Variants in MYO3B observed in about 807,000 individuals in gnomAD.
MYO3B encodes myosin IIIB.
A neutral mutation model predicts 174.6 loss-of-function variants in MYO3B; 156 were observed. The ratio of observed to expected loss-of-function variants is 0.89; its 90% CI spans 0.78 to 1.02. The LOEUF is 1.02. Among genes scored for constraint, MYO3B ranks in the 50% least tolerant of loss-of-function variants. The pLI, the probability that MYO3B is intolerant of heterozygous loss-of-function variation, is 0.00. For synonymous variants in MYO3B, 563 were observed against 569.1 expected, an observed-to-expected ratio of 0.99 and a Z score of 0.15; for missense variants, 1,632 against 1,639.4, an observed-to-expected ratio of 1.00 and a Z score of 0.08.
chr2:170,591,761 C>T (rs1693830400), intron 32 of MYO3B, among the ~76,000 whole-genome samples: 1 of 152,202 alleles, frequency 6.6e-6, no homozygotes, highest in Non-Finnish European at 1.5e-5. Flanking sequence ...GGTTAACTTT[C>T]TTAATGTCTC....
Position 170,403,013 on chromosome 2 carries a change from G to A in MYO3B, c.2277+18G>A. 6.4e-7 allele frequency: 1 copy of A among 1,559,058 alleles called. No individual in the cohort carries two copies. The highest frequency in any genetic ancestry group is 8.8e-7 in the Non-Finnish European group (1 of 1,140,880). On this transcript the variant is annotated intron_variant, in intron 19 of 34. Coordinates refer to ENST00000408978, the MANE Select transcript of MYO3B (RefSeq NM_138995.5). ...TTGAGCAGGTAATAGTGAACTCTGA[G>A]GTAACTAAACTTGATGGGGAAAAGG...
In MYO3B at chr2:170,501,817, A is replaced by C; in HGVS notation, c.3322A>C (p.Lys1108Gln). The change falls in exon 28 of 35, where the codon AAG (lysine) becomes CAG (glutamine). Residue 1108 changes from lysine to glutamine, a missense_variant. Physicochemically the swap from Lys to Gln is moderately conservative, Grantham distance 53. Transcript: ENST00000408978. The stretch of plus-strand genomic sequence containing the variant: ...AGGATATGATGCTCGGAGGAAATTT[A>C]AGAAAATAAGCAACAGAAGGAATGA... The part of the protein sequence containing the change: ...WRGYDARRKF[K>Q]KISNRRNESA... 1 of 1,613,116 alleles carries C rather than the reference A, an allele frequency of 6.2e-7. No individual in the cohort carries two copies.
At chr2:170,625,488 T>A (rs1048258241) in intron 32 of MYO3B, among the ~76,000 whole-genome samples, 6 of 152,216 alleles carry the variant, frequency 3.9e-5, no homozygotes, top group African/African-American at 1.4e-4. Flanking sequence ...ATTTTGTTGA[T>A]CTTTTCAAAA....
chr2:170,436,032 G>A (rs2094750926), intron 22 of MYO3B, among the ~76,000 whole-genome samples: 1 of 152,168 alleles, frequency 6.6e-6, no homozygotes, highest in Non-Finnish European at 1.5e-5. Context: ...GACCACTTGT[G>A]TCTTTTCTTT....
intron 3 of MYO3B, among the ~76,000 whole-genome samples, chr2:170,213,886 C>T (rs1273277661): frequency 4.6e-5 from 7 of 152,154 alleles, no homozygotes; most frequent in Admixed American, 3.3e-4. Context: ...GCTTCTGATA[C>T]GTGCTAGCAC....
chr2:170,533,868 C>T (rs982909268), intron 30 of MYO3B, among the ~76,000 whole-genome samples: 2 of 152,078 alleles, frequency 1.3e-5, no homozygotes, highest in Non-Finnish European at 2.9e-5. Context: ...TTCCTTAGCT[C>T]AGGCAAGAGT....
At chr2:170,227,635 G>T (rs1267417853) in intron 6 of MYO3B, among the ~76,000 whole-genome samples, 4 of 152,080 alleles carry the variant, frequency 2.6e-5, no homozygotes, top group African/African-American at 9.7e-5. Flanking sequence ...CTCTCTAACA[G>T]GAACATATGA....
chr2:170,582,138 TGAA>T (rs1693191083), intron 32 of MYO3B, among the ~76,000 whole-genome samples: 2 of 152,138 alleles, frequency 1.3e-5, no homozygotes, highest in Admixed American at 6.5e-5. Flanking sequence ...CATAACTTCG[TGAA>T]GAAGTAGTTT....
At chr2:170,613,436 TCTA>T (rs1431503080) in intron 32 of MYO3B, among the ~76,000 whole-genome samples, 2 of 152,204 alleles carry the variant, frequency 1.3e-5, no homozygotes, top group Non-Finnish European at 2.9e-5. Flanking sequence ...TCCTTCCTTC[TCTA>T]CTACCACACC....
chr2:170,420,970 TG>T (rs1374543676), intron 22 of MYO3B, among the ~76,000 whole-genome samples: 1 of 152,124 alleles, frequency 6.6e-6, no homozygotes, highest in African/African-American at 2.4e-5. Flanking sequence ...TAGTCTGGGT[TG>T]GGTAAAATTC....
chr2:170,249,167 C>T (rs1346828248), intron 7 of MYO3B, among the ~76,000 whole-genome samples: 1 of 152,212 alleles, frequency 6.6e-6, no homozygotes, highest in East Asian at 1.9e-4. Flanking sequence ...TAGCCCCTAT[C>T]CTGAGCTCTG....
At chr2:170,477,586 G>T (rs1449652146) in intron 25 of MYO3B, among the ~76,000 whole-genome samples, 1 of 151,740 alleles carries the variant, frequency 6.6e-6, no homozygotes. Context: ...ATTCTTAGTG[G>T]CTTAAGCCAG....
intron 22 of MYO3B, among the ~76,000 whole-genome samples, chr2:170,431,695 T>C (rs2094710398): frequency 6.6e-6 from 1 of 152,248 alleles, no homozygotes; most frequent in Non-Finnish European, 1.5e-5. Context: ...ATTTGCCACA[T>C]GCAAGATAAA....
intron 7 of MYO3B, among the ~76,000 whole-genome samples, chr2:170,328,224 C>T (rs574796434): frequency 6.6e-6 from 1 of 152,108 alleles, no homozygotes; most frequent in East Asian, 1.9e-4. Flanking sequence ...TTGAATATAT[C>T]TTCGTCTGTG....
In MYO3B at chr2:170,426,384, C is replaced by T. The variant is rs188198501; in HGVS notation, c.2651-17583C>T. Among the ~76,000 whole-genome samples, 378 of 148,870 alleles carry T rather than the reference C, an allele frequency of 2.5e-3. 2 individuals carry two copies. Among genetic ancestry groups the T allele is most frequent in the African/African-American group, 8.9e-3 (362 of 40,618 alleles). ...GGAGTCTCTCTCTGTCACCCAGGCT[C>T]GAGTGCAGTGGCGCGATCTCAGCTC... On this transcript the variant is annotated intron_variant, in intron 22 of 34. Transcript: ENST00000408978.
intron 1 of MYO3B, among the ~76,000 whole-genome samples, chr2:170,181,840 G>C (rs1041376758): frequency 6.6e-6 from 1 of 152,096 alleles, no homozygotes; most frequent in Non-Finnish European, 1.5e-5. Context: ...TCCTCACAAA[G>C]ATTGTTTACG....
At position 170,650,265 on chromosome 2, in the gene MYO3B, C is replaced by T. The variant is rs542826178; in HGVS notation, c.3734-1363C>T. Among the ~76,000 whole-genome samples the T allele has an allele frequency of 3.5e-4, 53 of 151,538 alleles. 1 individual carries two copies. In the South Asian group the frequency reaches 3.6e-3, roughly 10 times the overall value. On this transcript the variant is annotated intron_variant, in intron 32 of 34. Coordinates refer to ENST00000408978, the MANE Select transcript of MYO3B (RefSeq NM_138995.5). ...CCAGGCTGGGTTCTGATAGTCTTGT[C>T]CAAATATAGATTTGTCCCAATTCAA...
intron 7 of MYO3B, among the ~76,000 whole-genome samples, chr2:170,260,657 A>G (rs905289941): frequency 6.6e-6 from 1 of 152,210 alleles, no homozygotes; most frequent in Non-Finnish European, 1.5e-5. Flanking sequence ...ATCACACACT[A>G]TACTTATGTA....
At chr2:170,256,396 A>G (rs1195457863) in intron 7 of MYO3B, among the ~76,000 whole-genome samples, 1 of 152,148 alleles carries the variant, frequency 6.6e-6, no homozygotes, top group Non-Finnish European at 1.5e-5. Flanking sequence ...AAAGAATCAG[A>G]CCACTTACAA....
Sources: gnomAD v4.1 joint callset for allele counts (sites outside exome capture counted in the v4.1 genomes callset) on GRCh38, gnomAD v4.1.1 for gene constraint, MANE v1.5 for transcripts, NCBI Gene and HGNC (gene_info 2026-07-23, HGNC 2026-07-21) for gene names.